The following ELK4 variants were observed in gnomAD, a reference collection of about 807,000 sequenced individuals.
ELK4 encodes the protein ETS domain-containing protein Elk-4.
A neutral mutation model predicts 29.6 loss-of-function variants in ELK4; 16 were observed. The observed-to-expected ratio is 0.54, with a 90% CI of 0.37 to 0.82. The LOEUF (loss-of-function observed/expected upper bound fraction) is 0.82. ELK4 is among the 40% of genes least tolerant of loss of function. The probability of loss-of-function intolerance (pLI) is 0.00; values close to 1 mark genes in which losing one functional copy is unlikely to be tolerated. For synonymous variants in ELK4, 213 were observed against 191.1 expected, an observed-to-expected ratio of 1.11 and a Z score of -0.95; for missense variants, 465 against 507.1, an observed-to-expected ratio of 0.92 and a Z score of 0.80.
intron 3 of ELK4, chr1:205,619,474 G>GT (rs1326263502): frequency 5.0e-4 from 523 of 1,050,108 alleles, no homozygotes; most frequent in East Asian, 1.7e-3. Context: ...CAGCATGTTT[G>GT]TTTTTTTTTA....
intron 4 of ELK4, among the ~76,000 whole-genome samples, chr1:205,617,124 A>G (rs962972834): frequency 1.3e-5 from 2 of 152,236 alleles, no homozygotes; most frequent in African/African-American, 4.8e-5. Context: ...GGCTGAAGCT[A>G]CAGGAGCACT....
chr1:205,625,798 C>T, intron 1 of ELK4: 1 of 618,606 alleles, frequency 1.6e-6, no homozygotes, highest in South Asian at 1.8e-5. Context: ...CCTGTCTCAG[C>T]CTCCCGAGTA....
chr1:205,616,500 G>T lies in ELK4; in HGVS notation c.*46C>A. 6.6e-7 allele frequency: 1 copy of T among 1,523,710 alleles called. No homozygotes were observed. Among genetic ancestry groups the T allele is most frequent in the Non-Finnish European group, 9.1e-7 (1 of 1,099,078 alleles). The allele number at this position is 1,523,710 out of a possible 1,614,324, so 94.4% of individuals were successfully genotyped here. A position where few individuals can be genotyped will look rare whatever the true frequency, so the allele number is the denominator to read the frequency against. On this transcript the variant is annotated 3_prime_UTR_variant, in exon 5 of 5. Coordinates refer to ENST00000357992, the MANE Select transcript of ELK4 (RefSeq NM_001973.4). ...CACTTCAAATGCAATCATGTTGAATGTCTGTTTCTTCGTTCCTCGGTTCTC... is the reference window on the plus strand; with the variant it reads ...CACTTCAAATGCAATCATGTTGAATTTCTGTTTCTTCGTTCCTCGGTTCTC...
chr1:205,631,268 A>C (rs1670579733), intron 1 of ELK4, among the ~76,000 whole-genome samples: 1 of 152,104 alleles, frequency 6.6e-6, no homozygotes, highest in East Asian at 1.9e-4. Context: ...AAGAGGTGCA[A>C]CCTCACCGGG....
chr1:205,629,170 C>CAAAAAAAAAAAA (rs61374496), intron 1 of ELK4, among the ~76,000 whole-genome samples: 212 of 92,158 alleles, frequency 2.3e-3, no homozygotes, highest in South Asian at 3.3e-3. Flanking sequence ...GACTACGTCT[C>CAAAAAAAAAAAA]AAAAAAAAAA....
At chr1:205,627,887 A>G (rs1050062667) in intron 1 of ELK4, among the ~76,000 whole-genome samples, 2 of 152,198 alleles carry the variant, frequency 1.3e-5, no homozygotes, top group East Asian at 3.8e-4. Flanking sequence ...AAAAGTAACG[A>G]TGGGAAAATA....
Position 205,615,684 on chromosome 1 carries a change from T to C in ELK4, c.*862A>G, listed in dbSNP as rs1026595957. On this transcript the variant is annotated 3_prime_UTR_variant, in exon 5 of 5. Transcript: ENST00000357992. ...ATGTTTCAAATATTCAAAATCCAAG[T>C]TCATCCTCCTAAAAGTGATCATTTC... is the stretch of plus-strand genomic sequence containing the variant. 27 of 208,086 alleles carry C rather than the reference T, an allele frequency of 1.3e-4. No homozygotes were observed. Among genetic ancestry groups the C allele is most frequent in the Admixed American group, 5.3e-4 (9 of 16,904 alleles). The allele number at this position is 208,086 out of a possible 1,614,324, so 12.9% of individuals were successfully genotyped here. A position where few individuals can be genotyped will look rare whatever the true frequency, so the allele number is the denominator to read the frequency against.
chr1:205,617,172 A>G (rs1670244373), intron 4 of ELK4, among the ~76,000 whole-genome samples: 1 of 152,180 alleles, frequency 6.6e-6, no homozygotes, highest in South Asian at 2.1e-4. Flanking sequence ...TCTATAACTC[A>G]ATTATCTGCT....
intron 4 of ELK4, 51 bp downstream of exon 4, chr1:205,618,904 CTT>C: frequency 7.1e-7 from 1 of 1,401,408 alleles, no homozygotes; most frequent in Non-Finnish European, 9.9e-7. Flanking sequence ...CTTTTTGCCT[CTT>C]TCTTCATTTA....
intron 3 of ELK4, 115 bp from the exon 4 acceptor site, chr1:205,619,188 C>A: frequency 8.6e-7 from 1 of 1,168,496 alleles, no homozygotes; most frequent in Non-Finnish European, 1.1e-6. Context: ...CTCCAAATAT[C>A]TCCAAGTCTG....
intron 1 of ELK4, chr1:205,625,927 T>G: frequency 1.3e-6 from 1 of 780,216 alleles, no homozygotes; most frequent in South Asian, 1.4e-5. Context: ...TCCGCCTGCC[T>G]TGGCCTCCCA....
At position 205,611,295 on chromosome 1, in the gene ELK4, C is replaced by T. The variant is rs2102372849; in HGVS notation, c.*5251G>A. 4.8e-6 allele frequency: 1 copy of T among 209,900 alleles called. No individual in the cohort carries two copies. The highest frequency in any genetic ancestry group is 1.9e-4 in the South Asian group (1 of 5,344). 13.0% of individuals were successfully genotyped at this position (209,900 alleles called of 1,614,324 possible). ...GATTTGCTCGGCTTACAGGTCAAAA[C>T]ATGACTTGTATAGTAACAGGTTCCA... On this transcript the variant is annotated 3_prime_UTR_variant, in exon 5 of 5. Coordinates refer to ENST00000357992, the MANE Select transcript of ELK4 (RefSeq NM_001973.4).
intron 1 of ELK4, among the ~76,000 whole-genome samples, chr1:205,631,402 C>T (rs1307632918): frequency 8.4e-5 from 1 of 11,966 alleles, no homozygotes; most frequent in East Asian, 3.6e-3. Context: ...GCCCACGAGA[C>T]TTCGGGGGAC....
intron 1 of ELK4, among the ~76,000 whole-genome samples, chr1:205,624,652 C>T (rs1035489973): frequency 6.6e-6 from 1 of 152,102 alleles, no homozygotes; most frequent in Admixed American, 6.5e-5. Context: ...CCTGTTTAGG[C>T]CAGAGTTTCT....
intron 1 of ELK4, among the ~76,000 whole-genome samples, chr1:205,627,380 G>A (rs1033447925): frequency 1.2e-4 from 18 of 152,044 alleles, no homozygotes; most frequent in Admixed American, 5.2e-4. Context: ...GTGGTGGTGG[G>A]CGCCTGTAGT....
At position 205,620,830 on chromosome 1, in the gene ELK4, G is replaced by T; in HGVS notation, c.216C>A (p.Ile72=). 6.2e-7 allele frequency: 1 copy of T among 1,607,162 alleles called. No homozygotes were observed. Among genetic ancestry groups the T allele is most frequent in the Non-Finnish European group, 8.5e-7 (1 of 1,177,866 alleles). The change falls in exon 3 of 5, where the codon ATC becomes ATA. Residue 72 remains isoleucine, a synonymous_variant. Coordinates refer to ENST00000357992, the MANE Select transcript of ELK4 (RefSeq NM_001973.4). ...CAAACTTCTGACCATTCACTTTTTT[G>T]ATGATATTCTGTAGGTTAAAAAAAA... ...ALRYYYVKNI[I]KKVNGQKFVY...
intron 2 of ELK4, among the ~76,000 whole-genome samples, chr1:205,621,369 A>T (rs1281075375): frequency 6.6e-6 from 1 of 152,198 alleles, no homozygotes; most frequent in South Asian, 2.1e-4. Context: ...TCTTATTAAC[A>T]ACTGAACTAA....
intron 3 of ELK4, chr1:205,619,662 C>A (rs973146014): frequency 2.9e-6 from 4 of 1,370,046 alleles, no homozygotes; most frequent in Non-Finnish European, 3.7e-6. Context: ...AAGACACCAA[C>A]GAGTTTTATA....
rs571350346 is a variant in ELK4 at position 205,630,627 on chromosome 1, G to C, written c.-10+1005C>G. Among the ~76,000 whole-genome samples the C allele has an allele frequency of 3.9e-5, 6 of 152,306 alleles. No homozygotes were observed. In the South Asian group the frequency reaches 1.2e-3, roughly 32 times the overall value. The stretch of plus-strand genomic sequence containing the variant: ...GCTCCTAAAAAATACTCTTTGTATA[G>C]GATCCTGCACAGTTCTTACAATATT... On this transcript the variant is annotated intron_variant, in intron 1 of 4. Coordinates refer to ENST00000357992, the MANE Select transcript of ELK4 (RefSeq NM_001973.4).
Sources: allele counts gnomAD v4.1 joint callset (sites outside exome capture counted in the v4.1 genomes callset), GRCh38; gene constraint gnomAD v4.1.1; transcripts MANE v1.5; gene names NCBI Gene and HGNC (gene_info 2026-07-23, HGNC 2026-07-21).